ABCA12: variants seen among roughly 807,000 people sequenced by gnomAD.
ABCA12 encodes the protein glucosylceramide transporter ABCA12.
A neutral mutation model predicts 293.5 loss-of-function variants in ABCA12; 156 were observed. The observed-to-expected ratio is 0.53, with a 90% CI of 0.47 to 0.61. ABCA12 has a LOEUF of 0.61. ABCA12 is among the 20% of genes least tolerant of loss of function. ABCA12 has a pLI of 0.00. For missense variants in ABCA12, 2,797 were observed against 3,090.2 expected (o/e 0.91, Z 2.25); for synonymous variants, 1,063 against 1,108.0 (o/e 0.96, Z 0.81).
intron 10 of ABCA12, among the ~76,000 whole-genome samples, 159 bp downstream of exon 10, chr2:215,026,661 T>G (rs1388307810): frequency 1.3e-5 from 2 of 152,154 alleles, no homozygotes; most frequent in Admixed American, 6.5e-5. Flanking sequence ...GACAAGACAT[T>G]CCCTTTGTAT....
At chr2:215,025,853 C>CT (rs1373984303) in intron 10 of ABCA12, 74 bp from the exon 11 acceptor site, 18 of 978,748 alleles carry the variant, frequency 1.8e-5, no homozygotes, top group Non-Finnish European at 2.6e-5. Flanking sequence ...AAAGACACCT[C>CT]TATCCTGACT....
At chr2:214,999,924 T>C (rs1700105956) in intron 22 of ABCA12, 3 of 611,916 alleles carry the variant, frequency 4.9e-6, no homozygotes, top group Non-Finnish European at 6.1e-6. Flanking sequence ...ATCTGAATTG[T>C]ATATAAACTG....
At chr2:214,943,269 C>T (rs758565923) in intron 49 of ABCA12, among the ~76,000 whole-genome samples, 42 of 152,012 alleles carry the variant, frequency 2.8e-4, no homozygotes, top group Non-Finnish European at 5.0e-4. Flanking sequence ...TCCTGAATAG[C>T]TGGGACGACA....
chr2:215,086,195 A>G (rs1426827940), intron 2 of ABCA12, among the ~76,000 whole-genome samples: 2 of 152,242 alleles, frequency 1.3e-5, no homozygotes, highest in Admixed American at 6.5e-5. Context: ...AAATACATCC[A>G]GATACAATGG....
Position 214,932,746 on chromosome 2 carries a change from T to A in ABCA12, c.7681-5A>T. On this transcript the variant is annotated splice_polypyrimidine_tract_variant and splice_region_variant and intron_variant, in intron 52 of 52. Coordinates refer to ENST00000272895, the MANE Select transcript of ABCA12 (RefSeq NM_173076.3). ...TTTGGCAAAGTTGATGAAAACCTGA[T>A]TTTTCAGGGAAAATAAAGCCATTAA... 1.2e-6 allele frequency: 2 copies of A among 1,608,600 alleles called. No homozygotes were observed.
At chr2:215,086,112 A>T (rs1267245396) in intron 2 of ABCA12, among the ~76,000 whole-genome samples, 1 of 152,184 alleles carries the variant, frequency 6.6e-6, no homozygotes. Flanking sequence ...TTGCGCACCA[A>T]CTATTGGAGT....
At chr2:214,950,517 T>TC (rs1332470497) in intron 45 of ABCA12, among the ~76,000 whole-genome samples, 11 of 150,656 alleles carry the variant, frequency 7.3e-5, no homozygotes, top group Non-Finnish European at 1.3e-4. Flanking sequence ...AAGATTTTTT[T>TC]TTTTTTTGAG....
chr2:214,987,700 C>T lies in ABCA12; in HGVS notation c.3923G>A (p.Ser1308Asn), dbSNP rs755942510. 6.2e-7 allele frequency: 1 copy of T among 1,614,042 alleles called. No homozygotes were observed. Among genetic ancestry groups the T allele is most frequent in the Non-Finnish European group, 8.5e-7 (1 of 1,179,986 alleles). ...GATGTTAGTAAACATGAGGCCATTG[C>T]TCTTCTCAGGCTTCACCTCTGCACA... ...FGCAEVKPEK[S>N]NGLMFTNIMM... Residue 1308 changes from serine to asparagine, a missense_variant, in exon 27 of 53, where the codon AGC (serine) becomes AAC (asparagine). This residue lies in a region of ABCA12 where 2,130 missense variants were observed against 2,427.0 expected (regional missense o/e 0.88). Transcript: ENST00000272895.
rs184997994 is a variant in ABCA12 at position 214,973,889 on chromosome 2, G to A, written c.5562+60C>T. 74 of 1,398,766 alleles carry A rather than the reference G, an allele frequency of 5.3e-5. No individual in the cohort carries two copies. In the East Asian group the frequency reaches 1.1e-3, roughly 21 times the overall value. 86.6% of individuals were successfully genotyped at this position (1,398,766 alleles called of 1,614,324 possible). On this transcript the variant is annotated intron_variant, in intron 36 of 52. Transcript: ENST00000272895. The stretch of plus-strand genomic sequence containing the variant: ...CTTTGGTAACCTAGAGAGATCTTTC[G>A]AGCTTTCGATATTTATTCCCGTATT...
At chr2:215,074,540 C>T (rs1701797640) in intron 2 of ABCA12, among the ~76,000 whole-genome samples, 1 of 152,008 alleles carries the variant, frequency 6.6e-6, no homozygotes, top group South Asian at 2.1e-4. Flanking sequence ...TAATATGGGC[C>T]AGAGGTCTGT....
chr2:214,944,139 G>A (rs139725581), intron 49 of ABCA12, among the ~76,000 whole-genome samples: 93 of 150,844 alleles, frequency 6.2e-4, no homozygotes, highest in Non-Finnish European at 1.2e-3. Flanking sequence ...CAGGCCAGGC[G>A]GGGTGGCTCA....
intron 1 of ABCA12, among the ~76,000 whole-genome samples, chr2:215,115,282 A>G (rs757809646): frequency 3.9e-5 from 6 of 152,220 alleles, no homozygotes; most frequent in Non-Finnish European, 7.3e-5. Context: ...TCTCACGAAT[A>G]TTAAGGTTGA....
intron 23 of ABCA12, 148 bp from the exon 24 acceptor site, chr2:214,991,179 A>G (rs1475779627): frequency 1.4e-5 from 10 of 740,360 alleles, no homozygotes; most frequent in South Asian, 6.6e-5. Flanking sequence ...GAATTTATCC[A>G]TGCTTGCTAT....
chr2:214,981,674 G>A (rs745755226), intron 30 of ABCA12, among the ~76,000 whole-genome samples: 1 of 150,342 alleles, frequency 6.7e-6, no homozygotes, highest in Non-Finnish European at 1.5e-5. Flanking sequence ...TATCATATTC[G>A]ATAAATATGT....
At chr2:214,950,510 AT>A (rs10668551) in intron 45 of ABCA12, among the ~76,000 whole-genome samples, 5 of 140,546 alleles carry the variant, frequency 3.6e-5, no homozygotes, top group African/African-American at 5.3e-5. Flanking sequence ...AATAATTAAG[AT>A]TTTTTTTTTT....
At chr2:215,113,511 A>G (rs1702620869) in intron 1 of ABCA12, among the ~76,000 whole-genome samples, 1 of 152,154 alleles carries the variant, frequency 6.6e-6, no homozygotes, top group African/African-American at 2.4e-5. Flanking sequence ...TGCATTTCTA[A>G]GAAGCTCCCA....
chr2:214,932,549 G>GAT lies in ABCA12; in HGVS notation c.*83_*84dup. 5 of 965,320 alleles carry GAT rather than the reference G, an allele frequency of 5.2e-6. No homozygotes were observed. The allele number at this position is 965,320 out of a possible 1,614,324, so 59.8% of individuals were successfully genotyped here. On this transcript the variant is annotated 3_prime_UTR_variant, in exon 53 of 53. Coordinates refer to ENST00000272895, the MANE Select transcript of ABCA12 (RefSeq NM_173076.3). ...GTATATTACTTTACTTTAAAATGAA[G>GAT]ATATCTTGCGGAAGTGTATCTTCTG...
rs192754738 is a variant in ABCA12, at chr2:214,935,245, C to T, written c.7543-1030G>A. Among the ~76,000 whole-genome samples, 50 of 152,266 alleles carry T rather than the reference C, an allele frequency of 3.3e-4. No homozygotes were observed. In the East Asian group the frequency reaches 4.4e-3, roughly 14 times the overall value. On this transcript the variant is annotated intron_variant, in intron 51 of 52. Transcript: ENST00000272895. ...CCTTCTAGACATCTAGAAACCACCA[C>T]AAATTTGTAAAGAATGGTCTGCTAG... is the stretch of plus-strand genomic sequence containing the variant.
intron 1 of ABCA12, among the ~76,000 whole-genome samples, chr2:215,133,391 G>T (rs35751237): frequency 6.6e-6 from 1 of 151,486 alleles, no homozygotes; most frequent in Non-Finnish European, 1.5e-5. Context: ...TCTCTATCAA[G>T]AATTCCAATA....
Sources: allele counts gnomAD v4.1 joint callset (sites outside exome capture counted in the v4.1 genomes callset), GRCh38; gene constraint gnomAD v4.1.1; regional missense constraint gnomAD v4.1.1; transcripts MANE v1.5; gene names NCBI Gene and HGNC (gene_info 2026-07-23, HGNC 2026-07-21).